ALK: variants seen among roughly 807,000 people sequenced by gnomAD.
ALK encodes ALK tyrosine kinase receptor.
ALK carries 74 observed loss-of-function variants against 163.1 expected under a neutral mutation model. The ratio of observed to expected loss-of-function variants is 0.45; its 90% CI spans 0.38 to 0.55. ALK has a LOEUF of 0.55. ALK is among the 20% of genes least tolerant of loss of function. The pLI, the probability that ALK is intolerant of heterozygous loss-of-function variation, is 0.00. For missense variants in ALK, 2,063 were observed against 2,105.3 expected, an observed-to-expected ratio of 0.98 and a Z score of 0.39; for synonymous variants, 960 against 843.2, an observed-to-expected ratio of 1.14 and a Z score of -2.40.
At chr2:29,603,588 C>T (rs1444811376) in intron 3 of ALK, among the ~76,000 whole-genome samples, 4 of 151,986 alleles carry the variant, frequency 2.6e-5, no homozygotes, top group African/African-American at 9.7e-5. Flanking sequence ...ATGGTCTGAA[C>T]TAGTTTTTTT....
intron 4 of ALK, among the ~76,000 whole-genome samples, chr2:29,454,793 A>G (rs1670908843): frequency 6.6e-6 from 1 of 152,200 alleles, no homozygotes. Flanking sequence ...CCTAGTACAT[A>G]AGTGCCTATA....
chr2:29,244,422 G>A (rs1448546702), intron 12 of ALK, among the ~76,000 whole-genome samples: 3 of 152,172 alleles, frequency 2.0e-5, no homozygotes, highest in African/African-American at 4.8e-5. Context: ...ATCCAGATAG[G>A]AGTCAGGGTT....
intron 26 of ALK, among the ~76,000 whole-genome samples, chr2:29,202,166 T>G (rs542019127): frequency 3.3e-5 from 5 of 152,318 alleles, no homozygotes; most frequent in African/African-American, 1.2e-4. Flanking sequence ...CCTTCCTGCC[T>G]CTGGCTGTTC....
intron 1 of ALK, among the ~76,000 whole-genome samples, chr2:29,739,240 TAAAAAAAAAAAA>T (rs57381961): frequency 3.7e-4 from 15 of 40,298 alleles, no homozygotes; most frequent in Non-Finnish European, 4.2e-4. Context: ...CAGTCTCTCT[TAAAAAAAAAAAA>T]AAAAAAAAAA....
chr2:29,825,141 C>T (rs750732778), intron 1 of ALK, among the ~76,000 whole-genome samples: 1 of 152,220 alleles, frequency 6.6e-6, no homozygotes, highest in Non-Finnish European at 1.5e-5. Flanking sequence ...TCCTCCTTGC[C>T]TTCCACCATG....
chr2:29,248,622 G>A (rs1664744893), intron 12 of ALK, among the ~76,000 whole-genome samples: 1 of 152,180 alleles, frequency 6.6e-6, no homozygotes, highest in Admixed American at 6.5e-5. Context: ...AGACAGTGCT[G>A]GGGCCCGGAG....
chr2:29,659,801 G>A (rs1437390155), intron 3 of ALK, among the ~76,000 whole-genome samples: 1 of 152,086 alleles, frequency 6.6e-6, no homozygotes, highest in African/African-American at 2.4e-5. Flanking sequence ...AAAGAAAAGA[G>A]ATTTATTACC....
intron 1 of ALK, among the ~76,000 whole-genome samples, chr2:29,913,084 A>C (rs756715504): frequency 6.6e-6 from 1 of 151,918 alleles, no homozygotes; most frequent in Non-Finnish European, 1.5e-5. Flanking sequence ...AGGATTTCTG[A>C]CTGCCTACCA....
At chr2:29,796,795 G>A (rs1043743382) in intron 1 of ALK, among the ~76,000 whole-genome samples, 2 of 152,032 alleles carry the variant, frequency 1.3e-5, no homozygotes, top group African/African-American at 2.4e-5. Flanking sequence ...GGGGCACGGG[G>A]TATGACAATG....
chr2:29,618,409 ATTT>A (rs373897220), intron 3 of ALK, among the ~76,000 whole-genome samples: 3,090 of 145,618 alleles, frequency 0.021, 60 homozygotes, highest in South Asian at 0.058. Context: ...TCAGTTTGTC[ATTT>A]TTTTTTTTTT....
chr2:29,500,599 T>C lies in ALK; in HGVS notation c.1154+31316A>G, dbSNP rs75236420. The stretch of plus-strand genomic sequence containing the variant: ...TGGAACCATCCCTTTATCCTCATCA[T>C]GTGCTCTAGTCCCTGACTTCACCTC... On this transcript the variant is annotated intron_variant, in intron 4 of 28. Transcript: ENST00000389048. 8.2e-3 allele frequency among the ~76,000 whole-genome samples: 1,247 copies of C among 152,208 alleles called. 19 individuals are homozygous for C. Among genetic ancestry groups the C allele is most frequent in the African/African-American group, 0.028 (1,165 of 41,506 alleles).
intron 5 of ALK, among the ~76,000 whole-genome samples, chr2:29,349,107 T>C (rs529193371): frequency 1.3e-5 from 2 of 152,212 alleles, no homozygotes; most frequent in Non-Finnish European, 1.5e-5. Flanking sequence ...TCTTGATGAA[T>C]GTTGGCTGCA....
intron 4 of ALK, among the ~76,000 whole-genome samples, chr2:29,491,827 A>G (rs760608035): frequency 2.0e-5 from 3 of 152,210 alleles, no homozygotes; most frequent in Non-Finnish European, 4.4e-5. Context: ...GAAGCACAAA[A>G]TGAGAGAAGA....
chr2:29,469,333 T>C lies in ALK; in HGVS notation c.1154+62582A>G, dbSNP rs1171565317. Among the ~76,000 whole-genome samples the C allele has an allele frequency of 1.1e-4, 17 of 152,232 alleles. 1 individual carries two copies. Among genetic ancestry groups the C allele is most frequent in the Non-Finnish European group, 2.2e-4 (15 of 68,036 alleles). ...TTGCCTTCTCAATACCCAGAGCCCCTAATTTGACAATTGCTGAGAACCAGT... is the reference window on the plus strand; with the variant it reads ...TTGCCTTCTCAATACCCAGAGCCCCCAATTTGACAATTGCTGAGAACCAGT... On this transcript the variant is annotated intron_variant, in intron 4 of 28. Coordinates refer to ENST00000389048, the MANE Select transcript of ALK (RefSeq NM_004304.5).
chr2:29,557,914 C>T (rs913401902), intron 3 of ALK, among the ~76,000 whole-genome samples: 6 of 152,116 alleles, frequency 3.9e-5, no homozygotes, highest in Non-Finnish European at 8.8e-5. Flanking sequence ...TGCGCTCTTT[C>T]GAAGCCCTGG....
intron 19 of ALK, among the ~76,000 whole-genome samples, chr2:29,224,250 G>T (rs1242605256): frequency 6.6e-6 from 1 of 152,098 alleles, no homozygotes; most frequent in Non-Finnish European, 1.5e-5. Context: ...CTGAATTGGT[G>T]TCTGGGGATC....
chr2:29,234,668 G>T (rs970645221), intron 13 of ALK, among the ~76,000 whole-genome samples: 9 of 152,160 alleles, frequency 5.9e-5, no homozygotes, highest in Admixed American at 4.6e-4. Flanking sequence ...AGACAACACA[G>T]GTCGTTGTGG....
chr2:29,505,313 G>A (rs1053834334), intron 4 of ALK, among the ~76,000 whole-genome samples: 1 of 152,188 alleles, frequency 6.6e-6, no homozygotes, highest in African/African-American at 2.4e-5. Flanking sequence ...CTGCTGTGTA[G>A]ACTGTTGGGT....
intron 1 of ALK, among the ~76,000 whole-genome samples, chr2:29,825,725 A>T (rs201330658): frequency 2.0e-5 from 3 of 150,872 alleles, no homozygotes; most frequent in African/African-American, 7.3e-5. Flanking sequence ...TTTTTTTTTT[A>T]AATCGTTGTG....
Sources: allele counts gnomAD v4.1 joint callset (sites outside exome capture counted in the v4.1 genomes callset), GRCh38; gene constraint gnomAD v4.1.1; transcripts MANE v1.5; gene names NCBI Gene and HGNC (gene_info 2026-07-23, HGNC 2026-07-21).